Variants in ADIPOQ observed in about 807,000 individuals in gnomAD.
ADIPOQ encodes adiponectin, C1Q and collagen domain containing, also known as adiponectin.
Under a neutral mutation model 16.1 loss-of-function variants are expected in ADIPOQ, and 19 were observed. The ratio of observed to expected loss-of-function variants is 1.18; its 90% CI spans 0.82 to 1.73. The LOEUF is 1.73. ADIPOQ is among the 40% of genes most tolerant of loss of function. ADIPOQ has a pLI of 0.00. For missense variants in ADIPOQ, 323 were observed against 308.3 expected (o/e 1.05, Z -0.36); for synonymous variants, 124 against 125.5 (o/e 0.99, Z 0.08).
Position 186,857,863 on chromosome 3 carries a change from G to A in ADIPOQ, c.*3159G>A, listed in dbSNP as rs1385000385. 1.3e-5 allele frequency: 2 copies of A among 151,886 alleles called. No individual in the cohort carries two copies. Among genetic ancestry groups the A allele is most frequent in the East Asian group, 3.9e-4 (2 of 5,194 alleles). The allele number at this position is 151,886 out of a possible 1,614,324, so 9.4% of individuals were successfully genotyped here. Reference sequence around the variant, plus strand: ...TTTTCTGTGTTCTGAAGTCTACTTTGTCTAAAAATAACATACGCACTCAAC... The same window carrying A: ...TTTTCTGTGTTCTGAAGTCTACTTTATCTAAAAATAACATACGCACTCAAC... On this transcript the variant is annotated 3_prime_UTR_variant, in exon 3 of 3. Coordinates refer to ENST00000320741, the MANE Select transcript of ADIPOQ (RefSeq NM_004797.4).
At chr3:186,852,892 T>A in intron 1 of ADIPOQ, 159 bp from the exon 2 acceptor site, 1 of 682,768 alleles carries the variant, frequency 1.5e-6, no homozygotes, top group Non-Finnish European at 2.5e-6. Context: ...CAAGGTGGGC[T>A]GCAATATTCA....
Position 186,854,877 on chromosome 3 carries a change from C to A in ADIPOQ, c.*173C>A. 1 of 957,064 alleles carries A rather than the reference C, an allele frequency of 1.0e-6. No individual in the cohort carries two copies. 59.3% of individuals were successfully genotyped at this position (957,064 alleles called of 1,614,324 possible). A position where few individuals can be genotyped will look rare whatever the true frequency, so the allele number is the denominator to read the frequency against. On this transcript the variant is annotated 3_prime_UTR_variant, in exon 3 of 3. Transcript: ENST00000320741. ...CGAGTAACTTTAAAAAAATCATATG[C>A]TATGTTCCCAGTCCTGGGGAGCTTC...
chr3:186,853,553 C>G (rs571484619), intron 2 of ADIPOQ, among the ~76,000 whole-genome samples: 4 of 152,276 alleles, frequency 2.6e-5, no homozygotes, highest in African/African-American at 9.6e-5. Context: ...TATTCTGATT[C>G]CTCTTTCTGT....
In ADIPOQ at chr3:186,848,197, G is replaced by GAT. The variant is rs1711630570; in HGVS notation, c.-8-4853_-8-4852insTA. ...CAGAAACAAAAAAAAAAGAGAGAGA[G>GAT]AAAAGAAGGAAGGAAGGAAGGAAGG... On this transcript the variant is annotated intron_variant, in intron 1 of 2. Coordinates refer to ENST00000320741, the MANE Select transcript of ADIPOQ (RefSeq NM_004797.4). Among the ~76,000 whole-genome samples the GAT allele has an allele frequency of 1.4e-5, 2 of 138,044 alleles. 1 individual carries two copies. The highest frequency in any genetic ancestry group is 4.6e-4 in the South Asian group (2 of 4,304). 90.6% of individuals were successfully genotyped at this position (138,044 alleles called of 152,430 possible). A position where few individuals can be genotyped will look rare whatever the true frequency, so the allele number is the denominator to read the frequency against.
At chr3:186,850,185 G>A (rs575651331) in intron 1 of ADIPOQ, among the ~76,000 whole-genome samples, 9 of 150,284 alleles carry the variant, frequency 6.0e-5, no homozygotes, top group Admixed American at 2.7e-4. Flanking sequence ...CATGAGAATC[G>A]CTTGAACCTG....
intron 1 of ADIPOQ, among the ~76,000 whole-genome samples, chr3:186,845,167 C>A (rs1399920393): frequency 2.0e-5 from 3 of 151,022 alleles, no homozygotes; most frequent in Non-Finnish European, 3.0e-5. Flanking sequence ...TGTGCGCGTG[C>A]ATAGGTGGAG....
chr3:186,843,652 CTT>C (rs1221473650), intron 1 of ADIPOQ, among the ~76,000 whole-genome samples: 7 of 83,330 alleles, frequency 8.4e-5, no homozygotes, highest in Admixed American at 1.8e-4. Flanking sequence ...CAGAGCGAGA[CTT>C]TGTGTCAAAA....
chr3:186,852,971 C>T (rs750132191), intron 1 of ADIPOQ, 80 bp from the exon 2 acceptor site: 132 of 1,458,056 alleles, frequency 9.1e-5, no homozygotes, highest in African/African-American at 1.7e-4. Context: ...CTGAGATGGA[C>T]GGAGTCCTTT....
At position 186,856,770 on chromosome 3, in the gene ADIPOQ, G is replaced by A. The variant is rs1385293858; in HGVS notation, c.*2066G>A. 6.6e-6 allele frequency: 1 copy of A among 152,128 alleles called. No individual in the cohort carries two copies. Among genetic ancestry groups the A allele is most frequent in the Non-Finnish European group, 1.5e-5 (1 of 68,030 alleles). The allele number at this position is 152,128 out of a possible 1,614,324, so 9.4% of individuals were successfully genotyped here. A position where few individuals can be genotyped will look rare whatever the true frequency, so the allele number is the denominator to read the frequency against. Reference sequence around the variant, plus strand: ...GAGAGGGATGAAGAGGTGAGAGTAAGCCTTGTGTTAGTCAGAACTCTGTGT... The same window carrying A: ...GAGAGGGATGAAGAGGTGAGAGTAAACCTTGTGTTAGTCAGAACTCTGTGT... On this transcript the variant is annotated 3_prime_UTR_variant, in exon 3 of 3. Coordinates refer to ENST00000320741, the MANE Select transcript of ADIPOQ (RefSeq NM_004797.4).
intron 1 of ADIPOQ, chr3:186,852,821 G>A: frequency 1.9e-6 from 1 of 535,462 alleles, no homozygotes; most frequent in Non-Finnish European, 3.4e-6. Context: ...TCTTGGTGAG[G>A]AAAGGAGACT....
At chr3:186,844,973 T>C (rs1214382570) in intron 1 of ADIPOQ, among the ~76,000 whole-genome samples, 5 of 152,146 alleles carry the variant, frequency 3.3e-5, no homozygotes, top group African/African-American at 4.8e-5. Context: ...AGAAATTCAA[T>C]CATGTGGAGA....
rs943597100 is a variant in ADIPOQ at position 186,847,617 on chromosome 3, G to A, written c.-9+4868G>A. Among the ~76,000 whole-genome samples the A allele has an allele frequency of 7.2e-5, 11 of 151,826 alleles. No individual in the cohort carries two copies. The East Asian group carries it at 1.5e-3, about 21-fold the overall frequency. ...GTGCGCTTAGCTTCATCACTCCTTC[G>A]TTGCCAAAAGCTTTGTGACCAAAAA... On this transcript the variant is annotated intron_variant, in intron 1 of 2. Coordinates refer to ENST00000320741, the MANE Select transcript of ADIPOQ (RefSeq NM_004797.4).
intron 2 of ADIPOQ, among the ~76,000 whole-genome samples, chr3:186,853,570 A>T (rs962010736): frequency 3.9e-5 from 6 of 152,138 alleles, no homozygotes; most frequent in African/African-American, 1.4e-4. Context: ...CTGTCTGCTT[A>T]ACTTCCATTT....
intron 1 of ADIPOQ, among the ~76,000 whole-genome samples, chr3:186,848,257 G>GGAAGGAAGGAAA (rs1711636002): frequency 7.8e-5 from 4 of 51,160 alleles, no homozygotes; most frequent in Admixed American, 4.5e-4. Context: ...AAAGAAGGAA[G>GGAAGGAAGGAAA]GAAGGAAGGA....
rs199697991 is a variant in ADIPOQ, at chr3:186,857,302, T to G, written c.*2598T>G. 1.3e-5 allele frequency: 2 copies of G among 152,186 alleles called. No homozygotes were observed. The highest frequency in any genetic ancestry group is 4.1e-4 in the South Asian group (2 of 4,826). 9.4% of individuals were successfully genotyped at this position (152,186 alleles called of 1,614,324 possible). On this transcript the variant is annotated 3_prime_UTR_variant, in exon 3 of 3. Transcript: ENST00000320741. ...CTTAAGTTAGGGGTATGTAGAGGTA[T>G]TTTCCCTAAAGCAAAATTGGGACAC...
intron 1 of ADIPOQ, among the ~76,000 whole-genome samples, chr3:186,848,023 A>G (rs1324338572): frequency 2.0e-5 from 3 of 152,054 alleles, no homozygotes; most frequent in Non-Finnish European, 4.4e-5. Context: ...AATACAAAAA[A>G]TTAGCCAGGT....
chr3:186,846,889 C>A (rs1386352736), intron 1 of ADIPOQ, among the ~76,000 whole-genome samples: 1 of 152,174 alleles, frequency 6.6e-6, no homozygotes, highest in Non-Finnish European at 1.5e-5. Context: ...TTGTATCCCT[C>A]ACCCCATGGG....
At chr3:186,844,217 AGCTC>A (rs1711518986) in intron 1 of ADIPOQ, among the ~76,000 whole-genome samples, 1 of 152,024 alleles carries the variant, frequency 6.6e-6, no homozygotes, top group South Asian at 2.1e-4. Context: ...GCACAATCTC[AGCTC>A]ACTGCAACCT....
chr3:186,852,715 G>A, intron 1 of ADIPOQ: 1 of 282,692 alleles, frequency 3.5e-6, no homozygotes, highest in Non-Finnish European at 6.7e-6. Context: ...ATGGATTCTT[G>A]GCAAGTCGAC....
Sources: allele counts gnomAD v4.1 joint callset (sites outside exome capture counted in the v4.1 genomes callset), GRCh38; gene constraint gnomAD v4.1.1; transcripts MANE v1.5; gene names NCBI Gene and HGNC (gene_info 2026-07-23, HGNC 2026-07-21).